Variants in RASGRF1 observed in about 807,000 individuals in gnomAD.
The protein encoded by RASGRF1 is ras-specific guanine nucleotide-releasing factor 1.
A neutral mutation model predicts 138.7 loss-of-function variants in RASGRF1; 40 were observed. The ratio of observed to expected loss-of-function variants is 0.29; its 90% CI spans 0.22 to 0.38. The LOEUF is 0.38. RASGRF1 is among the 10% of genes least tolerant of loss of function. The pLI is 1.00. For missense variants in RASGRF1, 1,108 were observed against 1,650.4 expected (o/e 0.67, Z 5.69); for synonymous variants, 614 against 663.2 (o/e 0.93, Z 1.14).
chr15:79,010,035 T>TG (rs1467800715), intron 13 of RASGRF1, among the ~76,000 whole-genome samples: 8 of 150,774 alleles, frequency 5.3e-5, no homozygotes, highest in South Asian at 2.1e-4. Flanking sequence ...TTTGTTTGTT[T>TG]TTTTTTTTTT....
At chr15:79,062,421 A>G (rs1391028086) in intron 2 of RASGRF1, among the ~76,000 whole-genome samples, 2 of 152,122 alleles carry the variant, frequency 1.3e-5, no homozygotes, top group Non-Finnish European at 2.9e-5. Flanking sequence ...AAAACCCTCA[A>G]TGGCTTCCCA....
chr15:78,999,904 A>G lies in RASGRF1; in HGVS notation c.2585T>C (p.Leu862Pro). ...GACGACTCCATTGTTATAGGAAAAG[A>G]GTGGGAACTCTGCAGAGAGGAGGGA... ...VKNKNSSEFP[L>P]FSYNNGVVMT... Residue 862 changes from leucine (L) to proline (P), a missense_variant, in exon 17 of 27, where the codon CTC becomes CCC. Leu to Pro is a moderately conservative substitution (Grantham distance 98). Around this residue, in one of 3 missense-constraint regions of RASGRF1, gnomAD observed 686 missense variants for 976.7 expected, o/e 0.70. Coordinates refer to ENST00000558480, the MANE Select transcript of RASGRF1 (RefSeq NM_001145648.3). 6.2e-7 allele frequency: 1 copy of G among 1,614,056 alleles called. No individual in the cohort carries two copies. Among genetic ancestry groups the G allele is most frequent in the Admixed American group, 1.7e-5 (1 of 60,030 alleles).
chr15:79,012,401 C>G, intron 13 of RASGRF1: 1 of 956,018 alleles, frequency 1.0e-6, no homozygotes, highest in Non-Finnish European at 1.7e-6. Flanking sequence ...TTCCATTTTA[C>G]AGCATGCACT....
chr15:79,036,467 C>G (rs187330305), intron 5 of RASGRF1, among the ~76,000 whole-genome samples: 7 of 152,198 alleles, frequency 4.6e-5, no homozygotes, highest in Non-Finnish European at 5.9e-5. Context: ...GTTTGAGGCA[C>G]CTGGTGTTTC....
At chr15:79,033,078 T>C (rs1398233542) in intron 6 of RASGRF1, among the ~76,000 whole-genome samples, 1 of 152,128 alleles carries the variant, frequency 6.6e-6, no homozygotes, top group Non-Finnish European at 1.5e-5. Context: ...GGCTCTGCAT[T>C]ATCTAGTTCA....
In RASGRF1 at chr15:79,042,132, A is replaced by G. The variant is rs145640710; in HGVS notation, c.878+4614T>C. On this transcript the variant is annotated intron_variant, in intron 5 of 26. Transcript: ENST00000558480. ...TTCGTTCAAAGATCTTTTCCCCCCT[A>G]TTTGAGAAGTACACAATTAACACCC... 4.9e-3 allele frequency among the ~76,000 whole-genome samples: 747 copies of G among 152,258 alleles called. 2 individuals carry two copies. The highest frequency in any genetic ancestry group is 7.2e-3 in the Non-Finnish European group (487 of 67,998).
At chr15:78,982,758 G>T (rs1315234241) in intron 23 of RASGRF1, among the ~76,000 whole-genome samples, 1 of 152,116 alleles carries the variant, frequency 6.6e-6, no homozygotes, top group Non-Finnish European at 1.5e-5. Context: ...GGCCAAAATC[G>T]ATTGTTAGCC....
In RASGRF1 at chr15:79,049,570, C is replaced by T; in HGVS notation, c.550G>A (p.Asp184Asn). 6.2e-7 allele frequency: 1 copy of T among 1,613,578 alleles called. No homozygotes were observed. The change falls in exon 4 of 27, where the codon GAC (aspartate) becomes AAC (asparagine). Residue 184 changes from aspartate (D) to asparagine (N), a missense_variant. Around this residue, in one of 3 missense-constraint regions of RASGRF1, gnomAD observed 253 missense variants for 329.5 expected, o/e 0.77. Transcript: ENST00000558480. ...TGGGTGGACTGGATGCGCTCATTGTCCTTGAGCAGGGATGTGATCTGCAAC... is the reference window on the plus strand; with the variant it reads ...TGGGTGGACTGGATGCGCTCATTGTTCTTGAGCAGGGATGTGATCTGCAAC... ...LKAEITSLLK[D>N]NERIQSTQTV...
At chr15:79,072,290 T>A (rs1156568798) in intron 1 of RASGRF1, among the ~76,000 whole-genome samples, 2 of 132,728 alleles carry the variant, frequency 1.5e-5, no homozygotes, top group South Asian at 4.8e-4. Context: ...TTTTTTTTTT[T>A]TTTGAGACGC....
At chr15:79,013,472 G>A (rs1276350914) in intron 13 of RASGRF1, among the ~76,000 whole-genome samples, 2 of 152,236 alleles carry the variant, frequency 1.3e-5, no homozygotes, top group Admixed American at 6.5e-5. Context: ...GAGTGGTGGC[G>A]AGTGGAAACA....
In RASGRF1 at chr15:78,985,409, A is replaced by C. The variant is rs2056131844; in HGVS notation, c.3217-205T>G. On this transcript the variant is annotated intron_variant, in intron 22 of 26. Coordinates refer to ENST00000558480, the MANE Select transcript of RASGRF1 (RefSeq NM_001145648.3). Reference sequence around the variant, plus strand: ...AAAGTTTATATATACATTAGCAATAATCAATTAGAAAATACAACAAAAATA... The same window carrying C: ...AAAGTTTATATATACATTAGCAATACTCAATTAGAAAATACAACAAAAATA... The C allele has an allele frequency of 5.8e-6, 3 of 515,992 alleles. 1 individual carries two copies. In the South Asian group the frequency reaches 8.7e-5, roughly 15 times the overall value. 32.0% of individuals were successfully genotyped at this position (515,992 alleles called of 1,614,324 possible).
intron 1 of RASGRF1, among the ~76,000 whole-genome samples, chr15:79,079,905 CCCTGGGACCCCA>C (rs1421566889): frequency 6.6e-6 from 1 of 152,234 alleles, no homozygotes; most frequent in African/African-American, 2.4e-5. Context: ...GGACACACCT[CCCTGGGACCCCA>C]CCATTTAAGC....
intron 1 of RASGRF1, among the ~76,000 whole-genome samples, chr15:79,069,687 T>TA (rs1198769143): frequency 6.6e-6 from 1 of 152,114 alleles, no homozygotes; most frequent in Admixed American, 6.6e-5. Context: ...GTTTCTTAAG[T>TA]AAGGGAAGTC....
At position 78,995,769 on chromosome 15, in the gene RASGRF1, G is replaced by T. The variant is rs1317923974; in HGVS notation, c.2998C>A (p.Gln1000Lys). The T allele has an allele frequency of 6.2e-7, 1 of 1,614,192 alleles. No homozygotes were observed. Among genetic ancestry groups the T allele is most frequent in the South Asian group, 1.1e-5 (1 of 91,084 alleles). ...TGCGTGATCTCCTCCAGCGTGATCT[G>T]GTTGTCACCTGGGTCCTCCTGGGTC... Reference protein sequence around the residue: ...TLTQEDPGDNQITLEEITQMA... With the variant: ...TLTQEDPGDNKITLEEITQMA... Residue 1000 changes from glutamine (Q) to lysine (K), a missense_variant, in exon 20 of 27, where the codon CAG becomes AAG. Coordinates refer to ENST00000558480, the MANE Select transcript of RASGRF1 (RefSeq NM_001145648.3).
chr15:78,974,197 C>A (rs2055827856), intron 24 of RASGRF1, among the ~76,000 whole-genome samples: 1 of 152,158 alleles, frequency 6.6e-6, no homozygotes, highest in South Asian at 2.1e-4. Context: ...GTTGATGGAG[C>A]CTGTGATGGA....
At chr15:78,974,214 C>G (rs921912077) in intron 24 of RASGRF1, among the ~76,000 whole-genome samples, 1 of 152,160 alleles carries the variant, frequency 6.6e-6, no homozygotes, top group African/African-American at 2.4e-5. Flanking sequence ...TGGAGCCCGG[C>G]GGTCGTTATG....
At chr15:79,015,304 A>C (rs768047284) in intron 13 of RASGRF1, 23 bp downstream of exon 13, 3 of 1,597,222 alleles carry the variant, frequency 1.9e-6, no homozygotes, top group Non-Finnish European at 2.6e-6. Context: ...CTGCCTGGTC[A>C]AGATGGGGTT....
At position 79,090,747 on chromosome 15, in the gene RASGRF1, G is replaced by A; in HGVS notation, c.-249C>T. 1 of 544,804 alleles carries A rather than the reference G, an allele frequency of 1.8e-6. No homozygotes were observed. Among genetic ancestry groups the A allele is most frequent in the Non-Finnish European group, 3.2e-6 (1 of 317,458 alleles). 33.7% of individuals were successfully genotyped at this position (544,804 alleles called of 1,614,324 possible). On this transcript the variant is annotated 5_prime_UTR_variant, in exon 1 of 27. Transcript: ENST00000558480. ...CCCCAGTACCCGGAAGATGCCGCCC[G>A]ACCCTCCTCCGGTGCCGGGCAAACT...
chr15:79,080,442 A>C (rs1376540463), intron 1 of RASGRF1, among the ~76,000 whole-genome samples: 1 of 152,258 alleles, frequency 6.6e-6, no homozygotes, highest in Non-Finnish European at 1.5e-5. Flanking sequence ...GGTTCTTCCA[A>C]ATGATTTCAC....
Sources: allele counts gnomAD v4.1 joint callset (sites outside exome capture counted in the v4.1 genomes callset), GRCh38; gene constraint gnomAD v4.1.1; regional missense constraint gnomAD v4.1.1; transcripts MANE v1.5; gene names NCBI Gene and HGNC (gene_info 2026-07-23, HGNC 2026-07-21).